SH2B3: variants seen among roughly 807,000 people sequenced by gnomAD.
SH2B3 encodes the protein SH2B adapter protein 3.
A neutral mutation model predicts 51.9 loss-of-function variants in SH2B3; 43 were observed. The ratio of observed to expected loss-of-function variants is 0.83; its 90% confidence interval spans 0.65 to 1.07. The LOEUF (loss-of-function observed/expected upper bound fraction) is 1.07. Among genes scored for constraint, SH2B3 ranks in the 50% least tolerant of loss-of-function variants. SH2B3 has a pLI of 0.00. For synonymous variants in SH2B3, 396 were observed against 376.0 expected (o/e 1.05, Z -0.62); for missense variants, 952 against 834.3 (o/e 1.14, Z -1.74).
At chr12:111,439,737 G>A (rs985205579) in intron 2 of SH2B3, among the ~76,000 whole-genome samples, 1 of 152,140 alleles carries the variant, frequency 6.6e-6, no homozygotes, top group Non-Finnish European at 1.5e-5. Flanking sequence ...GCAGCATCGT[G>A]GGGGTGGAAA....
In SH2B3 at chr12:111,448,324, C is replaced by T. The variant is rs1291507300; in HGVS notation, c.*22C>T. 6 of 1,542,452 alleles carry T rather than the reference C, an allele frequency of 3.9e-6. No homozygotes were observed. The highest frequency in any genetic ancestry group is 5.3e-6 in the Non-Finnish European group (6 of 1,123,964). On this transcript the variant is annotated 3_prime_UTR_variant, in exon 8 of 8. Transcript: ENST00000341259. ...CTGACCAGTGAGGAATTCCAGGCCT[C>T]AACAGCTGCCCTTGAGGAGCACAGG...
Position 111,429,742 on chromosome 12 carries a change from C to A in SH2B3, c.732+10865C>A, listed in dbSNP as rs1257564303. ...GACAGTGATGAAGCCATTTCACAGCCAAGAAAACTAGGCACAGAGAGGTCC... is the reference window on the plus strand; with the variant it reads ...GACAGTGATGAAGCCATTTCACAGCAAAGAAAACTAGGCACAGAGAGGTCC... On this transcript the variant is annotated intron_variant, in intron 2 of 7. Coordinates refer to ENST00000341259, the MANE Select transcript of SH2B3 (RefSeq NM_005475.3). The surrounding 1 kb of genome is among the most constrained non-coding windows in gnomAD (Gnocchi z 4.4). Among the ~76,000 whole-genome samples the A allele has an allele frequency of 6.6e-6, 1 of 152,210 alleles. No homozygotes were observed. The highest frequency in any genetic ancestry group is 2.4e-5 in the African/African-American group (1 of 41,460).
At position 111,429,048 on chromosome 12, in the gene SH2B3, A is replaced by AGAGGAGGAGGAG. The variant is rs1233507017; in HGVS notation, c.732+10182_732+10193dup. Among the ~76,000 whole-genome samples the AGAGGAGGAGGAG allele has an allele frequency of 8.0e-6, 1 of 125,126 alleles. No homozygotes were observed. 82.1% of individuals were successfully genotyped at this position (125,126 alleles called of 152,430 possible). A position where few individuals can be genotyped will look rare whatever the true frequency, so the allele number is the denominator to read the frequency against. On this transcript the variant is annotated intron_variant, in intron 2 of 7. Coordinates refer to ENST00000341259, the MANE Select transcript of SH2B3 (RefSeq NM_005475.3). This position sits in a 1 kb window ranked among gnomAD's most constrained non-coding sequence, Gnocchi z 4.4. ...AGGAGGAGGAGGAGGAGGAGGAGGA[A>AGAGGAGGAGGAG]GAGGAGGAGGAGGAGGAGGAGGGAC... is the stretch of plus-strand genomic sequence containing the variant.
Position 111,435,591 on chromosome 12 carries a change from T to C in SH2B3, c.733-11162T>C, listed in dbSNP as rs1268960551. Among the ~76,000 whole-genome samples, 1 of 152,090 alleles carries C rather than the reference T, an allele frequency of 6.6e-6. No individual in the cohort carries two copies. The highest frequency in any genetic ancestry group is 1.9e-4 in the East Asian group (1 of 5,188). The stretch of plus-strand genomic sequence containing the variant: ...CCAGGCTGGTCTCGAACTCCTGACC[T>C]CAAGTGATCCGCCCATCTTGACCTC... On this transcript the variant is annotated intron_variant, in intron 2 of 7. Coordinates refer to ENST00000341259, the MANE Select transcript of SH2B3 (RefSeq NM_005475.3). The surrounding 1 kb of genome is among the most constrained non-coding windows in gnomAD (Gnocchi z 4.8).
rs767444476 is a variant in SH2B3 at position 111,446,982 on chromosome 12, A to C, written c.875A>C (p.Glu292Ala). ...GACATCATCTTTGAGGTGGGAGACGAGCAGCAGCTGAATTCATGGATGGCT... is the reference window on the plus strand; with the variant it reads ...GACATCATCTTTGAGGTGGGAGACGCGCAGCAGCTGAATTCATGGATGGCT... ...RTDIIFEVGD[E>A]QQLNSWMAEL... is the part of the protein sequence containing the mutation. Residue 292 changes from glutamate (E) to alanine (A), a missense_variant, in exon 4 of 8, where the codon GAG becomes GCG. Coordinates refer to ENST00000341259, the MANE Select transcript of SH2B3 (RefSeq NM_005475.3). 8 of 1,614,126 alleles carry C rather than the reference A, an allele frequency of 5.0e-6. No individual in the cohort carries two copies. The Admixed American group carries it at 1.3e-4, about 27-fold the overall frequency.
chr12:111,436,328 G>A (rs1872872914), intron 2 of SH2B3, among the ~76,000 whole-genome samples: 1 of 152,212 alleles, frequency 6.6e-6, no homozygotes, highest in Non-Finnish European at 1.5e-5. Context: ...ATGGGGCCTG[G>A]ACTTCCTGTC....
intron 2 of SH2B3, chr12:111,434,764 G>A: frequency 6.9e-7 from 1 of 1,445,150 alleles, no homozygotes; most frequent in Non-Finnish European, 9.1e-7. Flanking sequence ...TTTGTTATGG[G>A]TGGCTGGTGT....
rs558063334 is a variant in SH2B3, at chr12:111,417,988, C to T, written c.-27-131C>T. ...ACTTGGTAGGGGAGTGCATGTTTCC[C>T]TGCATCTTCACCAGCACTGGGTGTT... On this transcript the variant is annotated intron_variant, in intron 1 of 7. Coordinates refer to ENST00000341259, the MANE Select transcript of SH2B3 (RefSeq NM_005475.3). The T allele has an allele frequency of 2.3e-5, 15 of 648,078 alleles. No individual in the cohort carries two copies. The South Asian group carries it at 3.4e-4, about 15-fold the overall frequency. 40.1% of individuals were successfully genotyped at this position (648,078 alleles called of 1,614,324 possible).
intron 2 of SH2B3, among the ~76,000 whole-genome samples, chr12:111,442,384 C>A (rs1873501487): frequency 6.6e-6 from 1 of 152,232 alleles, no homozygotes; most frequent in Admixed American, 6.5e-5. Flanking sequence ...TAGGCCCAGG[C>A]TGCCAGATGC....
At chr12:111,417,600 G>A (rs1422541152) in intron 1 of SH2B3, among the ~76,000 whole-genome samples, 1 of 151,920 alleles carries the variant, frequency 6.6e-6, no homozygotes, top group Non-Finnish European at 1.5e-5. Context: ...ACAGGTGCAC[G>A]TGCTGCAATG....
intron 2 of SH2B3, among the ~76,000 whole-genome samples, chr12:111,420,307 G>A (rs1198699554): frequency 7.0e-6 from 1 of 143,158 alleles, no homozygotes; most frequent in Non-Finnish European, 1.5e-5. Flanking sequence ...GACCAAGGCT[G>A]CAGTAAGCCA....
In SH2B3 at chr12:111,429,592, C is replaced by T. The variant is rs1872295135; in HGVS notation, c.732+10715C>T. On this transcript the variant is annotated intron_variant, in intron 2 of 7. Transcript: ENST00000341259. The surrounding 1 kb of genome is among the most constrained non-coding windows in gnomAD (Gnocchi z 4.4). ...CAGGCTGTCCATCTGCCTCGGCCTC[C>T]CAAAGTGCTAGGATTACAGGCGTGA... 6.6e-6 allele frequency among the ~76,000 whole-genome samples: 1 copy of T among 152,202 alleles called. No homozygotes were observed. Among genetic ancestry groups the T allele is most frequent in the Non-Finnish European group, 1.5e-5 (1 of 68,024 alleles).
At chr12:111,446,051 G>A (rs1010412938) in intron 2 of SH2B3, among the ~76,000 whole-genome samples, 1 of 152,220 alleles carries the variant, frequency 6.6e-6, no homozygotes, top group African/African-American at 2.4e-5. Context: ...GGCCACTTCT[G>A]TCCATTCCTT....
intron 2 of SH2B3, among the ~76,000 whole-genome samples, chr12:111,433,840 C>G (rs146137782): frequency 5.4e-4 from 82 of 152,268 alleles, no homozygotes; most frequent in African/African-American, 1.9e-3. Flanking sequence ...TCTCGAACAC[C>G]TGGATTCAAG....
chr12:111,420,196 C>T (rs1471551441), intron 2 of SH2B3, among the ~76,000 whole-genome samples: 1 of 151,972 alleles, frequency 6.6e-6, no homozygotes, highest in Non-Finnish European at 1.5e-5. Flanking sequence ...GGCAAAACCC[C>T]ATTGCTACAA....
chr12:111,420,157 T>C (rs1371753995), intron 2 of SH2B3, among the ~76,000 whole-genome samples: 1 of 152,094 alleles, frequency 6.6e-6, no homozygotes, highest in African/African-American at 2.4e-5. Flanking sequence ...CTTGGTGATA[T>C]TTTGCAAGTT....
chr12:111,407,418 C>T lies in SH2B3; in HGVS notation c.-28+1141C>T, dbSNP rs1234815680. The stretch of plus-strand genomic sequence containing the variant: ...CTAACACCGGCTAGCAGCCAGGCCT[C>T]AGGGCCCCTGCCAGGGCAGTGGGCC... On this transcript the variant is annotated intron_variant, in intron 1 of 7. Transcript: ENST00000341259. The surrounding 1 kb of genome is among the most constrained non-coding windows in gnomAD (Gnocchi z 4.3). Among the ~76,000 whole-genome samples, 1 of 152,236 alleles carries T rather than the reference C, an allele frequency of 6.6e-6. No homozygotes were observed. Among genetic ancestry groups the T allele is most frequent in the Non-Finnish European group, 1.5e-5 (1 of 68,036 alleles).
chr12:111,442,826 G>A (rs966354291), intron 2 of SH2B3, among the ~76,000 whole-genome samples: 18 of 152,340 alleles, frequency 1.2e-4, no homozygotes, highest in South Asian at 2.1e-4. Context: ...TGCTCTCCAC[G>A]TAGGTGTGGT....
chr12:111,445,486 T>C (rs1353323763), intron 2 of SH2B3, among the ~76,000 whole-genome samples: 1 of 152,006 alleles, frequency 6.6e-6, no homozygotes, highest in East Asian at 1.9e-4. Context: ...CCTCTGGGAG[T>C]AGGAGGTGAA....
Sources: gnomAD v4.1 joint callset for allele counts (sites outside exome capture counted in the v4.1 genomes callset) on GRCh38, gnomAD v4.1.1 for gene constraint, Gnocchi (gnomAD v3.1) non-coding constraint, MANE v1.5 for transcripts, NCBI Gene and HGNC (gene_info 2026-07-23, HGNC 2026-07-21) for gene names.